The following SLX4IP variants were observed in gnomAD, a reference collection of about 807,000 sequenced individuals.
The protein encoded by SLX4IP is SLX4 interacting protein, also known as protein SLX4IP.
In SLX4IP, 34 loss-of-function variants were observed where a neutral mutation model predicts 32.9. That is an observed-to-expected ratio of 1.03 (90% CI 0.79 to 1.38). The LOEUF (loss-of-function observed/expected upper bound fraction) is 1.38. SLX4IP is among the 40% of genes most tolerant of loss of function. SLX4IP has a pLI of 0.00. For missense variants in SLX4IP, 444 were observed against 479.0 expected (o/e 0.93, Z 0.68); for synonymous variants, 172 against 171.7 (o/e 1.00, Z -0.01).
intron 6 of SLX4IP, among the ~76,000 whole-genome samples, chr20:10,616,023 A>G (rs770289062): frequency 6.6e-6 from 1 of 152,136 alleles, no homozygotes; most frequent in Non-Finnish European, 1.5e-5. Context: ...ATACCATAGC[A>G]ATGCCTAAAA....
At chr20:10,562,300 G>A (rs1454499428) in intron 4 of SLX4IP, among the ~76,000 whole-genome samples, 2 of 152,152 alleles carry the variant, frequency 1.3e-5, no homozygotes, top group African/African-American at 2.4e-5. Flanking sequence ...GGCTCTCCGC[G>A]AGGTGAATGG....
chr20:10,481,252 A>G lies in SLX4IP; in HGVS notation c.27+23021A>G, dbSNP rs577168880. Reference sequence around the variant, plus strand: ...TAAGTTTTACTGTTAAAGGAAAAGAAATCACTCTATTGAAAAGATGGCTGC... The same window carrying G: ...TAAGTTTTACTGTTAAAGGAAAAGAGATCACTCTATTGAAAAGATGGCTGC... On this transcript the variant is annotated intron_variant, in intron 2 of 7. Coordinates refer to ENST00000334534, the MANE Select transcript of SLX4IP (RefSeq NM_001009608.3). Among the ~76,000 whole-genome samples the G allele has an allele frequency of 2.0e-5, 3 of 152,288 alleles. No homozygotes were observed. In the South Asian group the frequency reaches 6.2e-4, roughly 32 times the overall value.
chr20:10,513,889 A>G (rs1336342298), intron 2 of SLX4IP, among the ~76,000 whole-genome samples: 1 of 152,182 alleles, frequency 6.6e-6, no homozygotes, highest in Admixed American at 6.5e-5. Flanking sequence ...GGACTCTTAT[A>G]CTTTAGGCCC....
At chr20:10,491,760 G>A (rs555213423) in intron 2 of SLX4IP, among the ~76,000 whole-genome samples, 9 of 152,226 alleles carry the variant, frequency 5.9e-5, no homozygotes, top group East Asian at 1.9e-4. Context: ...ATTGTTCAAC[G>A]TAATAGTATC....
At chr20:10,612,918 A>G (rs2066984722) in intron 6 of SLX4IP, 1 of 155,080 alleles carries the variant, frequency 6.4e-6, no homozygotes, top group African/African-American at 2.4e-5. Flanking sequence ...AAAATGCTTG[A>G]AGTAATTTAA....
intron 1 of SLX4IP, among the ~76,000 whole-genome samples, chr20:10,435,928 A>G (rs1247087810): frequency 6.6e-6 from 1 of 152,254 alleles, no homozygotes; most frequent in African/African-American, 2.4e-5. Context: ...CATGGAGCCT[A>G]CATTTTATCA....
intron 1 of SLX4IP, among the ~76,000 whole-genome samples, chr20:10,452,152 A>T (rs1244090003): frequency 6.6e-6 from 1 of 152,168 alleles, no homozygotes; most frequent in Non-Finnish European, 1.5e-5. Context: ...CTTGTGAATT[A>T]TGGTGTCCTC....
At chr20:10,507,935 T>G (rs897848513) in intron 2 of SLX4IP, among the ~76,000 whole-genome samples, 1 of 151,072 alleles carries the variant, frequency 6.6e-6, no homozygotes, top group East Asian at 1.9e-4. Flanking sequence ...TATGTATATT[T>G]GAGATATATA....
At chr20:10,482,573 T>C (rs1293093067) in intron 2 of SLX4IP, among the ~76,000 whole-genome samples, 1 of 152,118 alleles carries the variant, frequency 6.6e-6, no homozygotes, top group Non-Finnish European at 1.5e-5. Flanking sequence ...GATCCTACTC[T>C]CTTCTGAGGT....
rs144253292 is a variant in SLX4IP, at chr20:10,556,234, G to C, written c.31G>C (p.Gly11Arg). The C allele has an allele frequency of 2.5e-4, 400 of 1,613,206 alleles. 1 individual carries two copies. The African/African-American group carries it at 4.1e-3, about 17-fold the overall frequency. Residue 11 changes from glycine to arginine, a missense_variant, in exon 3 of 8, where the codon GGG becomes CGG. Transcript: ENST00000334534. MASKKFAVKC[G>R]NFAVLVDLHI... is the part of the protein sequence containing the mutation. Reference sequence around the variant, plus strand: ...CTCTGCCATTAATGTCTTTCAGTGTGGGAATTTTGCTGTCCTCGTGGATCT... The same window carrying C: ...CTCTGCCATTAATGTCTTTCAGTGTCGGAATTTTGCTGTCCTCGTGGATCT...
intron 4 of SLX4IP, among the ~76,000 whole-genome samples, chr20:10,592,568 T>A (rs1407724317): frequency 6.6e-6 from 1 of 151,506 alleles, no homozygotes; most frequent in East Asian, 1.9e-4. Context: ...ATGTAATGAG[T>A]TACAACTTCA....
In SLX4IP at chr20:10,488,902, A is replaced by G. The variant is rs2065596379; in HGVS notation, c.27+30671A>G. Reference sequence around the variant, plus strand: ...ACAAATGACAGCATGTCTAGTCTGTACATGATTATAATATATAACCAAAGA... The same window carrying G: ...ACAAATGACAGCATGTCTAGTCTGTGCATGATTATAATATATAACCAAAGA... On this transcript the variant is annotated intron_variant, in intron 2 of 7. Transcript: ENST00000334534. Among the ~76,000 whole-genome samples, 2 of 152,308 alleles carry G rather than the reference A, an allele frequency of 1.3e-5. 1 individual carries two copies. The highest frequency in any genetic ancestry group is 4.1e-4 in the South Asian group (2 of 4,834).
intron 2 of SLX4IP, among the ~76,000 whole-genome samples, chr20:10,469,391 A>G (rs1183618105): frequency 6.6e-6 from 1 of 152,158 alleles, no homozygotes; most frequent in African/African-American, 2.4e-5. Context: ...TATTTTTAAT[A>G]ATTCTTTTGA....
chr20:10,444,851 T>C (rs1222962836), intron 1 of SLX4IP, among the ~76,000 whole-genome samples: 1 of 152,112 alleles, frequency 6.6e-6, no homozygotes, highest in African/African-American at 2.4e-5. Flanking sequence ...ACTATTACAC[T>C]GGGCATTAGG....
chr20:10,573,642 C>A (rs1402077904), intron 4 of SLX4IP, among the ~76,000 whole-genome samples: 1 of 152,190 alleles, frequency 6.6e-6, no homozygotes, highest in African/African-American at 2.4e-5. Context: ...TAGCAACAGT[C>A]AAACTGCACA....
chr20:10,545,652 G>C (rs915062050), intron 2 of SLX4IP, among the ~76,000 whole-genome samples: 4 of 152,090 alleles, frequency 2.6e-5, no homozygotes, highest in Non-Finnish European at 5.9e-5. Flanking sequence ...TTACCACTGT[G>C]GGGGGGATTC....
chr20:10,518,652 C>T (rs138941600), intron 2 of SLX4IP, among the ~76,000 whole-genome samples: 232 of 151,950 alleles, frequency 1.5e-3, no homozygotes, highest in Non-Finnish European at 2.9e-3. Flanking sequence ...CAGCTCACTG[C>T]GACCTCCAGG....
intron 4 of SLX4IP, among the ~76,000 whole-genome samples, chr20:10,578,633 G>A (rs1195846967): frequency 1.3e-5 from 2 of 152,156 alleles, no homozygotes; most frequent in African/African-American, 4.8e-5. Flanking sequence ...GTACCTGTAT[G>A]TTTAACATAT....
chr20:10,560,688 T>A lies in SLX4IP; in HGVS notation c.118-12T>A. On this transcript the variant is annotated splice_polypyrimidine_tract_variant and intron_variant, in intron 3 of 7. Transcript: ENST00000334534. ...AATTTGAAGGTTATATCTAATTTTT[T>A]ATTTGCTTTAGGAAGTCTGTTTACT... 6.5e-7 allele frequency: 1 copy of A among 1,540,838 alleles called. No individual in the cohort carries two copies. The highest frequency in any genetic ancestry group is 1.4e-5 in the African/African-American group (1 of 71,516).
Sources: gnomAD v4.1 joint callset for allele counts (sites outside exome capture counted in the v4.1 genomes callset) on GRCh38, gnomAD v4.1.1 for gene constraint, MANE v1.5 for transcripts, NCBI Gene and HGNC (gene_info 2026-07-23, HGNC 2026-07-21) for gene names.